HHAT: variants seen among roughly 807,000 people sequenced by gnomAD.
HHAT encodes protein-cysteine N-palmitoyltransferase HHAT.
Under a neutral mutation model 70.8 loss-of-function variants are expected in HHAT, and 47 were observed. The ratio of observed to expected loss-of-function variants is 0.66; its 90% CI spans 0.53 to 0.85. The LOEUF (loss-of-function observed/expected upper bound fraction) is 0.85. HHAT is among the 40% of genes least tolerant of loss of function. The pLI, the probability that HHAT is intolerant of heterozygous loss-of-function variation, is 0.00. For missense variants in HHAT, 609 were observed against 604.8 expected (o/e 1.01, Z -0.07); for synonymous variants, 228 against 247.6 (o/e 0.92, Z 0.74).
intron 9 of HHAT, among the ~76,000 whole-genome samples, chr1:210,547,454 A>G (rs2095493356): frequency 6.6e-6 from 1 of 152,230 alleles, no homozygotes; most frequent in Non-Finnish European, 1.5e-5. Context: ...TTAATAGAAA[A>G]TTACAGAAGC....
At chr1:210,363,258 C>T (rs2088557512) in intron 3 of HHAT, among the ~76,000 whole-genome samples, 1 of 152,204 alleles carries the variant, frequency 6.6e-6, no homozygotes, top group Non-Finnish European at 1.5e-5. Flanking sequence ...CAACTGCCGG[C>T]AGCTGCAGGA....
intron 11 of HHAT, among the ~76,000 whole-genome samples, chr1:210,669,862 G>C (rs1679731582): frequency 6.6e-6 from 1 of 152,214 alleles, no homozygotes; most frequent in African/African-American, 2.4e-5. Flanking sequence ...GAGAGAGACA[G>C]AGACAGAGAA....
intron 2 of HHAT, among the ~76,000 whole-genome samples, chr1:210,350,610 A>G (rs2086931270): frequency 6.6e-6 from 1 of 152,204 alleles, no homozygotes; most frequent in Non-Finnish European, 1.5e-5. Flanking sequence ...TGATTTTGTT[A>G]TAGCAATCTT....
At chr1:210,334,652 T>C (rs1280862253) in intron 1 of HHAT, among the ~76,000 whole-genome samples, 1 of 152,116 alleles carries the variant, frequency 6.6e-6, no homozygotes, top group Non-Finnish European at 1.5e-5. Context: ...GTATGTCATA[T>C]AGTGTATACA....
intron 9 of HHAT, among the ~76,000 whole-genome samples, chr1:210,520,558 C>T (rs2095141154): frequency 6.6e-6 from 1 of 152,026 alleles, no homozygotes; most frequent in Admixed American, 6.6e-5. Flanking sequence ...ATGGGACTAA[C>T]AAAGAGTGCT....
intron 11 of HHAT, among the ~76,000 whole-genome samples, chr1:210,649,379 T>C (rs1164609205): frequency 6.6e-6 from 1 of 152,254 alleles, no homozygotes; most frequent in Non-Finnish European, 1.5e-5. Context: ...TGGCTTCACA[T>C]TGGCTCCTAA....
chr1:210,568,846 C>T (rs1239045272), intron 9 of HHAT, among the ~76,000 whole-genome samples: 1 of 152,314 alleles, frequency 6.6e-6, no homozygotes, highest in Non-Finnish European at 1.5e-5. Flanking sequence ...AGACCCTGTT[C>T]TCCTGCCCCA....
intron 7 of HHAT, among the ~76,000 whole-genome samples, chr1:210,447,110 T>C (rs1402802442): frequency 6.6e-6 from 1 of 152,242 alleles, no homozygotes; most frequent in Non-Finnish European, 1.5e-5. Context: ...ATCTGAGCTT[T>C]AGTCTTAACC....
intron 4 of HHAT, among the ~76,000 whole-genome samples, chr1:210,394,695 C>G (rs2091680942): frequency 6.6e-6 from 1 of 152,160 alleles, no homozygotes; most frequent in Non-Finnish European, 1.5e-5. Flanking sequence ...GCAGGTAATG[C>G]AAAGGGCTGA....
chr1:210,610,157 T>C (rs1666295996), intron 10 of HHAT, among the ~76,000 whole-genome samples: 1 of 152,040 alleles, frequency 6.6e-6, no homozygotes, highest in Admixed American at 6.6e-5. Flanking sequence ...TGTTTTGTTT[T>C]GTTTTCTCTG....
At chr1:210,469,682 T>C (rs2094166696) in intron 8 of HHAT, among the ~76,000 whole-genome samples, 1 of 152,288 alleles carries the variant, frequency 6.6e-6, no homozygotes, top group East Asian at 1.9e-4. Context: ...TGTGGTTTTA[T>C]TTATGAGACA....
chr1:210,377,456 C>A (rs376578810), intron 3 of HHAT, among the ~76,000 whole-genome samples: 1 of 152,134 alleles, frequency 6.6e-6, no homozygotes, highest in East Asian at 1.9e-4. Flanking sequence ...TCCTTCTTTG[C>A]TGGCTTTAGG....
chr1:210,617,991 C>G (rs895205387), intron 10 of HHAT, among the ~76,000 whole-genome samples: 1 of 152,176 alleles, frequency 6.6e-6, no homozygotes, highest in African/African-American at 2.4e-5. Context: ...GATAGCTAAT[C>G]ATTGAGCACA....
chr1:210,480,005 AC>A (rs1443066031), intron 8 of HHAT, among the ~76,000 whole-genome samples: 1 of 152,138 alleles, frequency 6.6e-6, no homozygotes. Flanking sequence ...AATGATGCCT[AC>A]CTGCTGGGGT....
intron 8 of HHAT, among the ~76,000 whole-genome samples, chr1:210,503,328 C>T (rs76354655): frequency 6.6e-6 from 1 of 152,126 alleles, no homozygotes; most frequent in South Asian, 2.1e-4. Context: ...GTTTAATTGT[C>T]CTACTAGAAC....
intron 11 of HHAT, among the ~76,000 whole-genome samples, chr1:210,637,091 A>G (rs555337001): frequency 5.0e-4 from 76 of 152,280 alleles, no homozygotes; most frequent in African/African-American, 1.7e-3. Flanking sequence ...ATAACCTTAC[A>G]CAGTTCCTGG....
intron 9 of HHAT, among the ~76,000 whole-genome samples, chr1:210,568,594 A>G (rs1335302440): frequency 6.6e-6 from 1 of 152,248 alleles, no homozygotes; most frequent in Admixed American, 6.5e-5. Flanking sequence ...AACATACCCA[A>G]GCATAGGGGC....
chr1:210,382,155 T>A (rs1280156832), intron 3 of HHAT, among the ~76,000 whole-genome samples: 13 of 152,108 alleles, frequency 8.5e-5, no homozygotes, highest in Non-Finnish European at 5.9e-5. Context: ...CAGTGGTGAG[T>A]TGCTAGGGCA....
intron 7 of HHAT, among the ~76,000 whole-genome samples, chr1:210,427,470 T>C (rs1305776786): frequency 3.9e-5 from 6 of 152,208 alleles, no homozygotes; most frequent in African/African-American, 1.2e-4. Flanking sequence ...TAACATTGCC[T>C]TAGCCGTGTC....
Sources: allele counts gnomAD v4.1 joint callset (sites outside exome capture counted in the v4.1 genomes callset), GRCh38; gene constraint gnomAD v4.1.1; transcripts MANE v1.5; gene names NCBI Gene and HGNC (gene_info 2026-07-23, HGNC 2026-07-21).